The following MTFR1 variants were observed in gnomAD, a reference collection of about 807,000 sequenced individuals.
The protein encoded by MTFR1 is mitochondrial fission regulator 1, also known as chondrocyte protein with a poly-proline region.
In MTFR1, 28 loss-of-function variants were observed where a neutral mutation model predicts 38.8. The observed-to-expected ratio is 0.72, with a 90% CI of 0.53 to 0.99. The LOEUF is 0.99. Among genes scored for constraint, MTFR1 ranks in the 50% least tolerant of loss-of-function variants. The probability of loss-of-function intolerance (pLI) is 0.00; values close to 1 mark genes in which losing one functional copy is unlikely to be tolerated. For synonymous variants in MTFR1, 145 were observed against 137.0 expected, an observed-to-expected ratio of 1.06 and a Z score of -0.41; for missense variants, 358 against 395.5, an observed-to-expected ratio of 0.91 and a Z score of 0.81.
At chr8:65,705,472 G>C (rs551306813) in intron 5 of MTFR1, among the ~76,000 whole-genome samples, 1 of 152,282 alleles carries the variant, frequency 6.6e-6, no homozygotes, top group African/African-American at 2.4e-5. Flanking sequence ...GGAAAACACT[G>C]GAATTCATAC....
At chr8:65,707,589 G>A (rs1406046763) in intron 6 of MTFR1, among the ~76,000 whole-genome samples, 1 of 152,218 alleles carries the variant, frequency 6.6e-6, no homozygotes, top group Non-Finnish European at 1.5e-5. Flanking sequence ...ATGGAACAGG[G>A]AACTCTATTT....
At chr8:65,683,698 G>T (rs1804977752) in intron 3 of MTFR1, among the ~76,000 whole-genome samples, 1 of 152,088 alleles carries the variant, frequency 6.6e-6, no homozygotes, top group Non-Finnish European at 1.5e-5. Context: ...CCTGGTAAAT[G>T]GAGGTGAAAT....
chr8:65,644,511 G>A (rs529263437), upstream of MTFR1, among the ~76,000 whole-genome samples: 2 of 152,244 alleles, frequency 1.3e-5, no homozygotes, highest in African/African-American at 4.8e-5. Flanking sequence ...ACAGGACGGT[G>A]AAGGCACAAA....
intron 1 of MTFR1, among the ~76,000 whole-genome samples, chr8:65,645,858 A>T (rs1161375591): frequency 6.6e-6 from 1 of 152,210 alleles, no homozygotes; most frequent in Non-Finnish European, 1.5e-5. Context: ...CAAATCCCAG[A>T]CATTATATAA....
At chr8:65,719,354 T>TC in intron 2 of MTFR1, 1 of 1,614,142 alleles carries the variant, frequency 6.2e-7, no homozygotes, top group South Asian at 1.1e-5. Flanking sequence ...ATCAGTGTCC[T>TC]CACTGCTCGA....
At chr8:65,654,690 G>C (rs1333936902) in intron 1 of MTFR1, among the ~76,000 whole-genome samples, 1 of 152,106 alleles carries the variant, frequency 6.6e-6, no homozygotes, top group Non-Finnish European at 1.5e-5. Context: ...CGATCCTTCT[G>C]CCTCAGCCTC....
chr8:65,754,660 T>C (rs985628032), intron 3 of MTFR1, among the ~76,000 whole-genome samples: 1 of 150,926 alleles, frequency 6.6e-6, no homozygotes, highest in Non-Finnish European at 1.5e-5. Flanking sequence ...TATGCCTTGT[T>C]TTTTGTTCTT....
chr8:65,674,429 C>T (rs1309321188), intron 2 of MTFR1, among the ~76,000 whole-genome samples: 1 of 150,562 alleles, frequency 6.6e-6, no homozygotes, highest in Non-Finnish European at 1.5e-5. Flanking sequence ...CTGGATAATA[C>T]AGTGAGACAC....
chr8:65,710,764 G>GACTC (rs1340665993), downstream of MTFR1, among the ~76,000 whole-genome samples: 1 of 152,092 alleles, frequency 6.6e-6, no homozygotes, highest in Non-Finnish European at 1.5e-5. Context: ...TATCACAGTT[G>GACTC]ACTCAGGGTT....
intron 4 of MTFR1, among the ~76,000 whole-genome samples, chr8:65,696,299 CTTTT>C (rs369690511): frequency 1.3e-5 from 2 of 152,034 alleles, no homozygotes; most frequent in African/African-American, 4.8e-5. Context: ...AAGAGCCTTT[CTTTT>C]TTAAGATGTT....
At chr8:65,737,413 G>A (rs1807187080) in intron 3 of MTFR1, among the ~76,000 whole-genome samples, 1 of 152,094 alleles carries the variant, frequency 6.6e-6, no homozygotes, top group Non-Finnish European at 1.5e-5. Context: ...TTATAAACTT[G>A]AGAATTTACT....
At chr8:65,776,712 C>T in the MTFR1 span, among the ~76,000 whole-genome samples, 1 of 152,156 alleles carries the variant, frequency 6.6e-6, no homozygotes, top group African/African-American at 2.4e-5. Context: ...CTTTACAGAA[C>T]TCCCACTACG....
At chr8:65,702,200 A>G (rs1805630502) in intron 4 of MTFR1, among the ~76,000 whole-genome samples, 1 of 152,068 alleles carries the variant, frequency 6.6e-6, no homozygotes, top group African/African-American at 2.4e-5. Context: ...TTCCTCTGTC[A>G]AAATGATTTC....
intron 3 of MTFR1, chr8:65,739,559 G>A: frequency 7.7e-6 from 12 of 1,560,162 alleles, no homozygotes; most frequent in Non-Finnish European, 1.0e-5. Flanking sequence ...AATCCATGAA[G>A]ACTAAATAAA....
downstream of MTFR1, chr8:65,714,538 C>T (rs1047343378): frequency 3.9e-5 from 6 of 152,120 alleles, no homozygotes; most frequent in Admixed American, 6.5e-5. Flanking sequence ...GCTGCTAATT[C>T]TTGCACAGAC....
intron 3 of MTFR1, among the ~76,000 whole-genome samples, chr8:65,759,936 T>A (rs1290553953): frequency 6.6e-6 from 1 of 152,180 alleles, no homozygotes; most frequent in African/African-American, 2.4e-5. Context: ...TTAATACTAT[T>A]TTTTTCACAT....
chr8:65,703,419 G>GTTTTTTTTTT lies in MTFR1; in HGVS notation c.282-1252_282-1243dup, dbSNP rs553260839. 1.5e-3 allele frequency among the ~76,000 whole-genome samples: 77 copies of GTTTTTTTTTT among 50,954 alleles called. 12 individuals are homozygous for GTTTTTTTTTT. The highest frequency in any genetic ancestry group is 2.5e-3 in the African/African-American group (31 of 12,362). 33.4% of individuals were successfully genotyped at this position (50,954 alleles called of 152,430 possible). A position where few individuals can be genotyped will look rare whatever the true frequency, so the allele number is the denominator to read the frequency against. Reference sequence around the variant, plus strand: ...GGTACATCCATGCTTGATGTCTCTGGTTTTTTTTTTTTTTTTTTTTTTTTT... The same window carrying GTTTTTTTTTT: ...GGTACATCCATGCTTGATGTCTCTGGTTTTTTTTTTTTTTTTTTTTTTTTTTTTTTTTTTT... On this transcript the variant is annotated intron_variant, in intron 4 of 7. Coordinates refer to ENST00000262146, the MANE Select transcript of MTFR1 (RefSeq NM_014637.4).
intron 3 of MTFR1, among the ~76,000 whole-genome samples, chr8:65,692,780 A>G (rs1057041899): frequency 6.6e-6 from 1 of 152,024 alleles, no homozygotes; most frequent in Non-Finnish European, 1.5e-5. Flanking sequence ...AGTTTTAAAA[A>G]ACATTTTCAA....
intron 1 of MTFR1, among the ~76,000 whole-genome samples, chr8:65,651,115 A>C (rs192355257): frequency 3.3e-5 from 5 of 152,250 alleles, no homozygotes; most frequent in Admixed American, 3.3e-4. Context: ...GTCCATTCAG[A>C]TCTTTTGCCC....
Sources: gnomAD v4.1 joint callset for allele counts (sites outside exome capture counted in the v4.1 genomes callset) on GRCh38, gnomAD v4.1.1 for gene constraint, MANE v1.5 for transcripts, NCBI Gene and HGNC (gene_info 2026-07-23, HGNC 2026-07-21) for gene names.